ITPRID1: variants seen among roughly 807,000 people sequenced by gnomAD.
ITPRID1 encodes ITPR interacting domain containing 1, also known as protein ITPRID1.
A neutral mutation model predicts 95.4 loss-of-function variants in ITPRID1; 96 were observed. The ratio of observed to expected loss-of-function variants is 1.01; its 90% CI spans 0.85 to 1.19. ITPRID1 has a LOEUF of 1.19. Ranked by LOEUF, ITPRID1 falls within the 50% of genes most tolerant of loss-of-function variation. The pLI, the probability that ITPRID1 is intolerant of heterozygous loss-of-function variation, is 0.00. For synonymous variants in ITPRID1, 510 were observed against 453.6 expected, an observed-to-expected ratio of 1.12 and a Z score of -1.58; for missense variants, 1,339 against 1,252.9, an observed-to-expected ratio of 1.07 and a Z score of -1.04.
intron 5 of ITPRID1, among the ~76,000 whole-genome samples, chr7:31,569,202 T>G (rs958454279): frequency 1.3e-5 from 2 of 152,216 alleles, no homozygotes; most frequent in African/African-American, 4.8e-5. Flanking sequence ...GGATAGGTTC[T>G]AATTTTAAGG....
At chr7:31,569,345 C>A (rs1222653651) in intron 5 of ITPRID1, among the ~76,000 whole-genome samples, 3 of 152,142 alleles carry the variant, frequency 2.0e-5, no homozygotes, top group Non-Finnish European at 4.4e-5. Flanking sequence ...CCCTAAATGC[C>A]CTATGAGCTA....
intron 1 of ITPRID1, among the ~76,000 whole-genome samples, chr7:31,549,179 T>C (rs1044279013): frequency 1.3e-5 from 2 of 152,126 alleles, no homozygotes; most frequent in African/African-American, 4.8e-5. Flanking sequence ...ATTATAACCT[T>C]AAAATTTAGT....
chr7:31,607,428 T>G, intron 10 of ITPRID1, among the ~76,000 whole-genome samples: 1 of 152,172 alleles, frequency 6.6e-6, no homozygotes, highest in East Asian at 1.9e-4. Flanking sequence ...TTAATCCACC[T>G]GATAAGTATG....
intron 10 of ITPRID1, among the ~76,000 whole-genome samples, chr7:31,606,125 TTATCA>T (rs1339982356): frequency 6.6e-6 from 1 of 152,212 alleles, no homozygotes; most frequent in Non-Finnish European, 1.5e-5. Flanking sequence ...AGTTCTGTGT[TTATCA>T]TAATGATTCT....
intron 10 of ITPRID1, among the ~76,000 whole-genome samples, chr7:31,615,732 G>A (rs908820256): frequency 1.4e-5 from 2 of 147,840 alleles, no homozygotes; most frequent in Admixed American, 1.4e-4. Flanking sequence ...CCAGTAGCGT[G>A]TTAGAGTTTA....
At position 31,652,743 on chromosome 7, in the gene ITPRID1, CCTT is replaced by C. The variant is rs758619091; in HGVS notation, c.3051_3053del (p.Ser1020del). The C allele has an allele frequency of 5.1e-5, 82 of 1,613,816 alleles. No individual in the cohort carries two copies. In the Middle Eastern group the frequency reaches 1.3e-3, roughly 26 times the overall value. ...CTTGGAGAACAGCACCAGGATGTCT[CCTT>C]CATCATCAGCTTGGGCAAAGTTAGG... On this transcript the variant is annotated inframe_deletion, in exon 15 of 15. Coordinates refer to ENST00000615280, the MANE Select transcript of ITPRID1 (RefSeq NM_001257967.3).
intron 9 of ITPRID1, among the ~76,000 whole-genome samples, chr7:31,578,782 A>T (rs575365775): frequency 3.7e-4 from 57 of 152,268 alleles, no homozygotes; most frequent in African/African-American, 1.3e-3. Context: ...GGATCAGTTC[A>T]ACTACTTCCC....
At chr7:31,652,391 C>A in intron 14 of ITPRID1, 127 bp from the exon 15 acceptor site, 1 of 1,372,702 alleles carries the variant, frequency 7.3e-7, no homozygotes, top group Non-Finnish European at 9.7e-7. Flanking sequence ...TCAGAATCTG[C>A]TGCTGGCTCA....
At chr7:31,549,365 C>A (rs1784207002) in intron 1 of ITPRID1, 61 bp from the exon 2 acceptor site, 3 of 1,234,178 alleles carry the variant, frequency 2.4e-6, no homozygotes, top group South Asian at 4.5e-5. Flanking sequence ...CTAACAGGGT[C>A]AAGTTTATTT....
intron 10 of ITPRID1, among the ~76,000 whole-genome samples, chr7:31,623,443 G>C (rs564625065): frequency 3.6e-3 from 540 of 149,966 alleles, no homozygotes; most frequent in Middle Eastern, 6.8e-3. Context: ...TGCAAGGCTG[G>C]TTCAATATAC....
At chr7:31,633,594 G>A (rs1269785189) in intron 10 of ITPRID1, among the ~76,000 whole-genome samples, 7 of 152,204 alleles carry the variant, frequency 4.6e-5, no homozygotes, top group African/African-American at 1.7e-4. Context: ...CCATTGTCCT[G>A]AAGTCTAGCT....
At chr7:31,611,114 ATATTTTTTAAGT>A (rs1460296352) in intron 10 of ITPRID1, among the ~76,000 whole-genome samples, 2 of 151,026 alleles carry the variant, frequency 1.3e-5, no homozygotes, top group Non-Finnish European at 3.0e-5. Context: ...TACTTTTATT[ATATTTTTTAAGT>A]TACTTTTCTA....
chr7:31,636,266 G>C (rs1789474057), intron 10 of ITPRID1, among the ~76,000 whole-genome samples: 1 of 152,130 alleles, frequency 6.6e-6, no homozygotes, highest in Admixed American at 6.5e-5. Flanking sequence ...ATATCAACCA[G>C]ACTGGTATAA....
At chr7:31,606,956 T>A (rs1370003232) in intron 10 of ITPRID1, among the ~76,000 whole-genome samples, 1 of 152,186 alleles carries the variant, frequency 6.6e-6, no homozygotes, top group African/African-American at 2.4e-5. Context: ...GTCATTTTTA[T>A]TATTTTTCTC....
rs71557497 is a variant in ITPRID1, at chr7:31,640,642, C to CT, written c.1229-1520dup. 5.0e-3 allele frequency among the ~76,000 whole-genome samples: 730 copies of CT among 147,182 alleles called. 3 individuals are homozygous for CT. The highest frequency in any genetic ancestry group is 0.021 in the South Asian group (100 of 4,668). On this transcript the variant is annotated intron_variant, in intron 10 of 14. Coordinates refer to ENST00000615280, the MANE Select transcript of ITPRID1 (RefSeq NM_001257967.3). ...GTCTGAGGTCCATTGTCTCGAAAAA[C>CT]TTTTTTTTTTTTTTCCACATATCTT...
At chr7:31,578,924 G>A (rs1296170790) in intron 9 of ITPRID1, among the ~76,000 whole-genome samples, 10 of 152,120 alleles carry the variant, frequency 6.6e-5, no homozygotes, top group Admixed American at 5.2e-4. Flanking sequence ...CTTTAGGGCC[G>A]GGGGTGTGTG....
intron 10 of ITPRID1, among the ~76,000 whole-genome samples, chr7:31,613,419 T>C (rs1786972045): frequency 6.6e-6 from 1 of 152,170 alleles, no homozygotes; most frequent in Admixed American, 6.5e-5. Context: ...GGAGGTTCTA[T>C]TTCCACTACC....
At chr7:31,612,572 A>G (rs1231191754) in intron 10 of ITPRID1, among the ~76,000 whole-genome samples, 5 of 152,178 alleles carry the variant, frequency 3.3e-5, no homozygotes, top group Admixed American at 6.5e-5. Context: ...TATTTTGTCA[A>G]GTACAACACT....
Position 31,615,849 on chromosome 7 carries a change from G to T in ITPRID1, c.1229-26327G>T, listed in dbSNP as rs1787162976. On this transcript the variant is annotated intron_variant, in intron 10 of 14. Coordinates refer to ENST00000615280, the MANE Select transcript of ITPRID1 (RefSeq NM_001257967.3). ...GCTCACTGCAAGCTCTGCCTCCTGG[G>T]TTCACGCCAATCTCCTGCCTCAGCC... Among the ~76,000 whole-genome samples the T allele has an allele frequency of 2.0e-5, 3 of 151,574 alleles. 1 individual carries two copies. The South Asian group carries it at 6.3e-4, about 32-fold the overall frequency.
Sources: allele counts gnomAD v4.1 joint callset (sites outside exome capture counted in the v4.1 genomes callset), GRCh38; gene constraint gnomAD v4.1.1; transcripts MANE v1.5; gene names NCBI Gene and HGNC (gene_info 2026-07-23, HGNC 2026-07-21).